DCDC2: variants seen among roughly 807,000 people sequenced by gnomAD.
DCDC2 encodes doublecortin domain-containing protein 2.
A neutral mutation model predicts 50.2 loss-of-function variants in DCDC2; 40 were observed. That is an observed-to-expected ratio of 0.80 (90% confidence interval 0.62 to 1.04). The LOEUF (loss-of-function observed/expected upper bound fraction) is 1.04, where lower values mean the gene tolerates loss of function less well. DCDC2 is among the 50% of genes least tolerant of loss of function. The pLI is 0.00. For missense variants in DCDC2, 570 were observed against 581.9 expected, an observed-to-expected ratio of 0.98 and a Z score of 0.21; for synonymous variants, 234 against 210.6, an observed-to-expected ratio of 1.11 and a Z score of -0.96.
At chr6:24,370,950 G>T in the DCDC2 span, among the ~76,000 whole-genome samples, 1 of 152,028 alleles carries the variant, frequency 6.6e-6, no homozygotes. Flanking sequence ...CTACAAACTG[G>T]AAGGTGATAT....
chr6:24,176,403 A>G (rs1760913482), intron 9 of DCDC2, among the ~76,000 whole-genome samples: 1 of 152,026 alleles, frequency 6.6e-6, no homozygotes. Context: ...TACATACCAC[A>G]GGTCAATGCC....
At chr6:24,189,469 C>T (rs1382321133) in intron 8 of DCDC2, among the ~76,000 whole-genome samples, 1 of 152,166 alleles carries the variant, frequency 6.6e-6, no homozygotes, top group African/African-American at 2.4e-5. Flanking sequence ...TCATATCACA[C>T]CTCTGACAGT....
intron 7 of DCDC2, among the ~76,000 whole-genome samples, chr6:24,216,539 C>A (rs1761986527): frequency 6.6e-6 from 1 of 152,204 alleles, no homozygotes; most frequent in African/African-American, 2.4e-5. Context: ...GTACAGACGA[C>A]TCTTTCAAGA....
intron 6 of DCDC2, among the ~76,000 whole-genome samples, chr6:24,282,216 C>T (rs1271780070): frequency 2.0e-5 from 3 of 151,942 alleles, no homozygotes; most frequent in Non-Finnish European, 4.4e-5. Context: ...AGCCTCCAAT[C>T]ATCCCTCACT....
At chr6:24,254,831 TA>T (rs34931175) in intron 7 of DCDC2, among the ~76,000 whole-genome samples, 89,575 of 151,584 alleles carry the variant, frequency 0.59, 28,568 homozygotes, top group East Asian at 0.79. Flanking sequence ...ATTCATACTA[TA>T]AAAAAAAATC....
chr6:24,284,333 C>T (rs1328405696), intron 6 of DCDC2, among the ~76,000 whole-genome samples: 11 of 151,996 alleles, frequency 7.2e-5, no homozygotes, highest in African/African-American at 1.9e-4. Flanking sequence ...GCAGGCCAGG[C>T]GTGGTGGCTC....
At chr6:24,339,850 C>T (rs1438948109) in intron 2 of DCDC2, among the ~76,000 whole-genome samples, 1 of 151,986 alleles carries the variant, frequency 6.6e-6, no homozygotes, top group Non-Finnish European at 1.5e-5. Flanking sequence ...TCTTTTGACA[C>T]CAAATTTGAT....
intron 7 of DCDC2, among the ~76,000 whole-genome samples, chr6:24,269,682 T>C (rs1763197183): frequency 6.6e-6 from 1 of 151,784 alleles, no homozygotes; most frequent in Non-Finnish European, 1.5e-5. Flanking sequence ...AGAGAAAGGC[T>C]TGGGTTGCAG....
chr6:24,346,763 A>G (rs1269415582), intron 2 of DCDC2, among the ~76,000 whole-genome samples: 1 of 151,998 alleles, frequency 6.6e-6, no homozygotes. Flanking sequence ...CAAAAAAAAA[A>G]AAAAAGATTC....
At chr6:24,294,378 C>G (rs1230080127) in intron 4 of DCDC2, among the ~76,000 whole-genome samples, 2 of 151,888 alleles carry the variant, frequency 1.3e-5, no homozygotes, top group African/African-American at 2.4e-5. Context: ...AGAAAGATCT[C>G]AAATGAACAA....
At chr6:24,271,765 T>A (rs959753977) in intron 7 of DCDC2, among the ~76,000 whole-genome samples, 2 of 152,206 alleles carry the variant, frequency 1.3e-5, no homozygotes, top group Non-Finnish European at 2.9e-5. Flanking sequence ...ATAATTAAGA[T>A]GAATTATGGC....
chr6:24,381,733 T>C, the DCDC2 span, among the ~76,000 whole-genome samples: 1 of 147,844 alleles, frequency 6.8e-6, no homozygotes, highest in African/African-American at 2.5e-5. Flanking sequence ...ACACTTCAGC[T>C]CAGGAGTTAG....
intron 8 of DCDC2, among the ~76,000 whole-genome samples, chr6:24,179,260 T>C (rs993678560): frequency 2.0e-5 from 3 of 152,040 alleles, no homozygotes; most frequent in African/African-American, 7.2e-5. Context: ...GAATAATAAA[T>C]GCTGAGGGCC....
At chr6:24,270,737 A>T (rs576041159) in intron 7 of DCDC2, among the ~76,000 whole-genome samples, 1 of 152,216 alleles carries the variant, frequency 6.6e-6, no homozygotes, top group Admixed American at 6.5e-5. Flanking sequence ...CATCTCACCA[A>T]CATTCATGAC....
intron 6 of DCDC2, among the ~76,000 whole-genome samples, chr6:24,285,578 A>T (rs1245041133): frequency 6.6e-6 from 1 of 152,158 alleles, no homozygotes; most frequent in African/African-American, 2.4e-5. Flanking sequence ...ACACCTGGAA[A>T]ATTCAATCAT....
At chr6:24,258,270 G>C (rs1309904223) in intron 7 of DCDC2, among the ~76,000 whole-genome samples, 1 of 152,168 alleles carries the variant, frequency 6.6e-6, no homozygotes, top group African/African-American at 2.4e-5. Flanking sequence ...GCTGCTGGCT[G>C]GGGGCGGGGG....
intron 7 of DCDC2, among the ~76,000 whole-genome samples, chr6:24,230,918 T>C (rs1762326159): frequency 6.6e-6 from 1 of 152,236 alleles, no homozygotes; most frequent in Non-Finnish European, 1.5e-5. Context: ...ACCTAGCCCA[T>C]TTAAATCACC....
At chr6:24,362,137 G>A (rs1249475501), upstream of DCDC2, among the ~76,000 whole-genome samples, 2 of 152,012 alleles carry the variant, frequency 1.3e-5, no homozygotes, top group Non-Finnish European at 1.5e-5. Flanking sequence ...TGTAGATGGA[G>A]ATGAGTTTTG....
chr6:24,213,568 T>G (rs1043085009), intron 7 of DCDC2, among the ~76,000 whole-genome samples: 2 of 152,182 alleles, frequency 1.3e-5, no homozygotes, highest in African/African-American at 4.8e-5. Flanking sequence ...AAAAATAATT[T>G]TCATTAGCTT....
Sources: allele counts gnomAD v4.1 joint callset (sites outside exome capture counted in the v4.1 genomes callset), GRCh38; gene constraint gnomAD v4.1.1; transcripts MANE v1.5; gene names NCBI Gene and HGNC (gene_info 2026-07-23, HGNC 2026-07-21).